Variants in ASB15 observed in about 807,000 individuals in gnomAD.
ASB15 encodes the protein ankyrin repeat and SOCS box protein 15.
ASB15 carries 54 observed loss-of-function variants against 58.0 expected under a neutral mutation model. The ratio of observed to expected loss-of-function variants is 0.93; its 90% CI spans 0.75 to 1.17. The LOEUF (loss-of-function observed/expected upper bound fraction) is 1.17, where lower values mean the gene tolerates loss of function less well. ASB15 is among the 50% of genes most tolerant of loss of function. The pLI is 0.00. For missense variants in ASB15, 680 were observed against 707.4 expected, an observed-to-expected ratio of 0.96 and a Z score of 0.44; for synonymous variants, 249 against 262.4, an observed-to-expected ratio of 0.95 and a Z score of 0.50.
chr7:123,584,081 C>T (rs191099406), intron 1 of ASB15, among the ~76,000 whole-genome samples: 5 of 151,946 alleles, frequency 3.3e-5, no homozygotes, highest in Non-Finnish European at 7.4e-5. Context: ...TCTAGCCACA[C>T]GGTTTTAAGT....
At chr7:123,579,554 C>A (rs1799168805) in intron 1 of ASB15, among the ~76,000 whole-genome samples, 2 of 152,038 alleles carry the variant, frequency 1.3e-5, no homozygotes, top group South Asian at 4.1e-4. Flanking sequence ...ATCTGCCCCA[C>A]TGTAGCCTGA....
chr7:123,618,196 C>A (rs1306877419), intron 7 of ASB15, among the ~76,000 whole-genome samples: 2 of 152,112 alleles, frequency 1.3e-5, no homozygotes, highest in South Asian at 4.1e-4. Context: ...GAGCATGGCA[C>A]CTATGAGGGG....
chr7:123,625,339 GT>G (rs1368587853), intron 8 of ASB15, among the ~76,000 whole-genome samples: 2 of 152,100 alleles, frequency 1.3e-5, no homozygotes, highest in East Asian at 3.9e-4. Context: ...CATTTTCTGG[GT>G]TTCTAGTCTC....
At chr7:123,596,463 T>C (rs1011403448) in intron 1 of ASB15, 1 of 151,506 alleles carries the variant, frequency 6.6e-6, no homozygotes, top group East Asian at 1.9e-4. Flanking sequence ...AAAAAAAAAA[T>C]TAGCCAGATG....
chr7:123,570,130 G>T (rs1798868998), intron 1 of ASB15, among the ~76,000 whole-genome samples: 1 of 148,746 alleles, frequency 6.7e-6, no homozygotes, highest in Non-Finnish European at 1.5e-5. Flanking sequence ...TGCCTCCCGG[G>T]TTCACACCAT....
Position 123,608,609 on chromosome 7 carries a change from GA to G in ASB15, c.-44del. ...TCATGCTTAGGATTTCTCTTCAGTA[GA>G]AAAGGCAAATACCATAAAGAAGGAA... On this transcript the variant is annotated 5_prime_UTR_variant, in exon 3 of 12. Transcript: ENST00000451215. 1 of 152,158 alleles carries G rather than the reference GA, an allele frequency of 6.6e-6. No homozygotes were observed. Among genetic ancestry groups the G allele is most frequent in the African/African-American group, 2.4e-5 (1 of 41,446 alleles). The allele number at this position is 152,158 out of a possible 1,614,324, so 9.4% of individuals were successfully genotyped here.
rs968138468 is a variant in ASB15, at chr7:123,604,142, T to TA, written c.-132dup. 2 of 151,922 alleles carry TA rather than the reference T, an allele frequency of 1.3e-5. No individual in the cohort carries two copies. The highest frequency in any genetic ancestry group is 2.9e-5 in the Non-Finnish European group (2 of 67,970). The allele number at this position is 151,922 out of a possible 1,614,324, so 9.4% of individuals were successfully genotyped here. On this transcript the variant is annotated 5_prime_UTR_variant, in exon 2 of 12. Coordinates refer to ENST00000451215, the MANE Select transcript of ASB15 (RefSeq NM_001290258.2). Reference sequence around the variant, plus strand: ...ATCTGACAGCCTTCCTGGGGGATATTAACAGGGCTCCTGTGTTGCAGAGGA... The same window carrying TA: ...ATCTGACAGCCTTCCTGGGGGATATTAAACAGGGCTCCTGTGTTGCAGAGGA...
chr7:123,631,534 C>A (rs1195784668), intron 11 of ASB15, among the ~76,000 whole-genome samples: 1 of 152,064 alleles, frequency 6.6e-6, no homozygotes, highest in African/African-American at 2.4e-5. Context: ...TTCTTGAAAA[C>A]CACTTCTCTA....
At chr7:123,592,120 A>G (rs1173888960) in intron 1 of ASB15, among the ~76,000 whole-genome samples, 1 of 152,010 alleles carries the variant, frequency 6.6e-6, no homozygotes, top group Non-Finnish European at 1.5e-5. Flanking sequence ...AGTAGTTTGT[A>G]TTTCTGTGGG....
At chr7:123,580,037 T>A (rs1436003711) in intron 1 of ASB15, among the ~76,000 whole-genome samples, 1 of 151,682 alleles carries the variant, frequency 6.6e-6, no homozygotes, top group Admixed American at 6.6e-5. Context: ...AAAATAAATA[T>A]GATAGGGAAA....
At chr7:123,604,447 T>C (rs554284844) in intron 2 of ASB15, among the ~76,000 whole-genome samples, 25 of 151,992 alleles carry the variant, frequency 1.6e-4, no homozygotes, top group Non-Finnish European at 2.1e-4. Flanking sequence ...CCCAGCATAG[T>C]GGTGGGCTCC....
chr7:123,619,179 C>CAAAAAAAAAA (rs528943780), intron 7 of ASB15, among the ~76,000 whole-genome samples: 1 of 55,260 alleles, frequency 1.8e-5, no homozygotes, highest in Non-Finnish European at 3.1e-5. Context: ...GACGCCGTCT[C>CAAAAAAAAAA]AAAAAAAAAA....
At chr7:123,615,897 C>A (rs773564149) in intron 4 of ASB15, among the ~76,000 whole-genome samples, 2 of 152,146 alleles carry the variant, frequency 1.3e-5, no homozygotes, top group Non-Finnish European at 2.9e-5. Context: ...ATCACAAAAT[C>A]AGGCTGGGAA....
intron 4 of ASB15, among the ~76,000 whole-genome samples, chr7:123,615,749 AATT>A (rs1260304733): frequency 3.3e-5 from 5 of 152,300 alleles, no homozygotes; most frequent in Admixed American, 2.0e-4. Flanking sequence ...TCTTATTAGC[AATT>A]ATTAAGTTCA....
intron 1 of ASB15, among the ~76,000 whole-genome samples, chr7:123,569,126 G>C (rs1798835411): frequency 6.6e-6 from 1 of 152,116 alleles, no homozygotes; most frequent in Non-Finnish European, 1.5e-5. Context: ...AAGTACTGAG[G>C]ATTCTGGGGA....
rs116375269 is a variant in ASB15, at chr7:123,611,147, C to T, written c.-3+2493C>T. Among the ~76,000 whole-genome samples, 915 of 151,414 alleles carry T rather than the reference C, an allele frequency of 6.0e-3. 9 individuals carry two copies. Among genetic ancestry groups the T allele is most frequent in the African/African-American group, 0.021 (875 of 41,282 alleles). On this transcript the variant is annotated intron_variant, in intron 3 of 11. Coordinates refer to ENST00000451215, the MANE Select transcript of ASB15 (RefSeq NM_001290258.2). Reference sequence around the variant, plus strand: ...TTCTCTAGACTGAGAAGTGGGATACCCACACATATACCTTAAAGATGTCAA... The same window carrying T: ...TTCTCTAGACTGAGAAGTGGGATACTCACACATATACCTTAAAGATGTCAA...
chr7:123,594,883 G>A (rs538092889), intron 1 of ASB15, among the ~76,000 whole-genome samples: 3 of 152,208 alleles, frequency 2.0e-5, no homozygotes, highest in Non-Finnish European at 4.4e-5. Flanking sequence ...GATAGGCCCT[G>A]CCCCCAGAGG....
intron 1 of ASB15, among the ~76,000 whole-genome samples, chr7:123,591,846 G>T (rs1057099405): frequency 2.0e-5 from 3 of 151,992 alleles, no homozygotes; most frequent in African/African-American, 7.2e-5. Flanking sequence ...CTCTTTTTCT[G>T]TTGATTGAAA....
rs575706128 is a variant in ASB15 at position 123,584,726 on chromosome 7, C to A, written c.-443+17638C>A. On this transcript the variant is annotated intron_variant, in intron 1 of 13. Transcript: ENST00000451558. ...AATGTGCCAGAATAACCAGGGGAAA[C>A]AATTCTATTCACGAAGAAATAAAAA... The A allele has an allele frequency of 2.6e-5, 4 of 151,930 alleles. No homozygotes were observed. The East Asian group carries it at 5.8e-4, about 22-fold the overall frequency. The allele number at this position is 151,930 out of a possible 1,614,324, so 9.4% of individuals were successfully genotyped here.
Sources: gnomAD v4.1 joint callset for allele counts (sites outside exome capture counted in the v4.1 genomes callset) on GRCh38, gnomAD v4.1.1 for gene constraint, MANE v1.5 for transcripts, NCBI Gene and HGNC (gene_info 2026-07-23, HGNC 2026-07-21) for gene names.